The following FHIP2B variants were observed in gnomAD, a reference collection of about 807,000 sequenced individuals.
FHIP2B encodes the protein FHF complex subunit HOOK interacting protein 2B.
In FHIP2B, 72 loss-of-function variants were observed where a neutral mutation model predicts 84.0. The ratio of observed to expected loss-of-function variants is 0.86; its 90% CI spans 0.71 to 1.04. The LOEUF (loss-of-function observed/expected upper bound fraction) is 1.04, where lower values mean the gene tolerates loss of function less well. FHIP2B is among the 50% of genes least tolerant of loss of function. The probability of loss-of-function intolerance (pLI) is 0.00; values close to 1 mark genes in which losing one functional copy is unlikely to be tolerated. For missense variants in FHIP2B, 972 were observed against 968.9 expected (o/e 1.00, Z -0.04); for synonymous variants, 497 against 418.7 (o/e 1.19, Z -2.28).
At position 22,097,484 on chromosome 8, in the gene FHIP2B, G is replaced by A. The variant is rs545265223; in HGVS notation, c.298-32G>A. ...CAGGCATGCGGCAGGCAGGGGACAC[G>A]GCTCTGACAGGCGCTCTGTCCCTGG... On this transcript the variant is annotated intron_variant, in intron 3 of 16. Coordinates refer to ENST00000289921, the MANE Select transcript of FHIP2B (RefSeq NM_022749.7). 95 of 1,540,822 alleles carry A rather than the reference G, an allele frequency of 6.2e-5. 2 individuals carry two copies. The South Asian group carries it at 9.6e-4, about 16-fold the overall frequency.
rs768323988 is a variant in FHIP2B, at chr8:22,102,637, C to A, written c.2093+9C>A. 3 of 1,563,068 alleles carry A rather than the reference C, an allele frequency of 1.9e-6. No homozygotes were observed. Among genetic ancestry groups the A allele is most frequent in the African/African-American group, 2.7e-5 (2 of 73,636 alleles). On this transcript the variant is annotated intron_variant, in intron 16 of 16. Transcript: ENST00000289921. ...CAGGCTCCTGGGGAGCAGTGAGTAC[C>A]AAGGGTGCCAGGTGAAGCCTTGGGG... is the stretch of plus-strand genomic sequence containing the variant.
At chr8:22,093,253 G>T (rs1291599232) in intron 1 of FHIP2B, among the ~76,000 whole-genome samples, 1 of 152,238 alleles carries the variant, frequency 6.6e-6, no homozygotes, top group African/African-American at 2.4e-5. Context: ...CAGCTGTGGG[G>T]AGGGATGATT....
intron 1 of FHIP2B, among the ~76,000 whole-genome samples, chr8:22,093,651 G>A (rs992927942): frequency 4.1e-5 from 6 of 146,800 alleles, no homozygotes; most frequent in African/African-American, 1.0e-4. Context: ...AGAGCCTGTG[G>A]TGGTCTTGAA....
At position 22,098,954 on chromosome 8, in the gene FHIP2B, C is replaced by T. The variant is rs1247800803; in HGVS notation, c.972C>T (p.Pro324=). The T allele has an allele frequency of 1.1e-5, 17 of 1,603,284 alleles. No individual in the cohort carries two copies. Among genetic ancestry groups the T allele is most frequent in the Non-Finnish European group, 1.4e-5 (16 of 1,174,356 alleles). The change falls in exon 8 of 17, where the codon CCC becomes CCT. Residue 324 remains proline (P), a synonymous_variant. Coordinates refer to ENST00000289921, the MANE Select transcript of FHIP2B (RefSeq NM_022749.7). ...CACTCCCCTCTTCCTTCAGGTTACC[C>T]AGTGCCCCGTCTGATGAGGCTTCCT... ...ATLEGISWRL[P]SAPSDEASFP...
chr8:22,090,480 C>T (rs1825431862), intron 1 of FHIP2B, among the ~76,000 whole-genome samples: 1 of 152,128 alleles, frequency 6.6e-6, no homozygotes, highest in Non-Finnish European at 1.5e-5. Context: ...AATGATTTTT[C>T]TTCCCCTTCC....
At chr8:22,102,411 G>GGGGGGGGGGGC in intron 15 of FHIP2B, 96 bp downstream of exon 15, 46 of 586,740 alleles carry the variant, frequency 7.8e-5, no homozygotes, top group Non-Finnish European at 1.4e-4. Flanking sequence ...GGAGGGGTGG[G>GGGGGGGGGGGC]CACCCTTGCC....
At chr8:22,090,164 C>T (rs996857405) in intron 1 of FHIP2B, among the ~76,000 whole-genome samples, 7 of 126,796 alleles carry the variant, frequency 5.5e-5, no homozygotes, top group Admixed American at 9.0e-5. Context: ...GGGGGGGGTG[C>T]CCGCTGTTGA....
rs1372023244 is a variant in FHIP2B at position 22,099,830 on chromosome 8, C to G, written c.1278C>G (p.Pro426=). 4.3e-6 allele frequency: 7 copies of G among 1,613,006 alleles called. No individual in the cohort carries two copies. In the African/African-American group the frequency reaches 8.0e-5, roughly 18 times the overall value. Residue 426 remains proline, a synonymous_variant, in exon 10 of 17, where the codon CCC becomes CCG. Transcript: ENST00000289921. Reference sequence around the variant, plus strand: ...GCACAGACCGGCAGCCTGAAGCCCCCGGGGACAACCCCCACACCCTGTATG... The same window carrying G: ...GCACAGACCGGCAGCCTGAAGCCCCGGGGGACAACCCCCACACCCTGTATG... ...LLGTDRQPEA[P]GDNPHTLYAH...
intron 1 of FHIP2B, 141 bp from the exon 2 acceptor site, chr8:22,094,299 C>T (rs1334073228): frequency 2.9e-6 from 2 of 695,750 alleles, no homozygotes; most frequent in Non-Finnish European, 4.5e-6. Flanking sequence ...TGTTATTCCT[C>T]CCTTTGAAAG....
intron 1 of FHIP2B, among the ~76,000 whole-genome samples, chr8:22,090,154 G>C (rs1268411987): frequency 1.3e-4 from 3 of 23,872 alleles, no homozygotes; most frequent in Admixed American, 6.4e-4. Flanking sequence ...CCGGTAGGGT[G>C]GGGGGGGTGC....
chr8:22,098,406 G>C lies in FHIP2B; in HGVS notation c.769-17G>C, dbSNP rs778888631. The C allele has an allele frequency of 1.9e-6, 3 of 1,572,032 alleles. No individual in the cohort carries two copies. Among genetic ancestry groups the C allele is most frequent in the Non-Finnish European group, 2.6e-6 (3 of 1,155,584 alleles). Reference sequence around the variant, plus strand: ...GGCTCACATGCATGTCCCTGAAGTTGTATCCTCATCCCCTAGAAGAGTCGG... The same window carrying C: ...GGCTCACATGCATGTCCCTGAAGTTCTATCCTCATCCCCTAGAAGAGTCGG... On this transcript the variant is annotated splice_polypyrimidine_tract_variant and intron_variant, in intron 6 of 16. Coordinates refer to ENST00000289921, the MANE Select transcript of FHIP2B (RefSeq NM_022749.7).
intron 1 of FHIP2B, among the ~76,000 whole-genome samples, chr8:22,092,907 G>A (rs1052517992): frequency 4.6e-5 from 7 of 152,136 alleles, no homozygotes; most frequent in African/African-American, 1.7e-4. Context: ...TTGTAGCTTC[G>A]TTATTCAATG....
In FHIP2B at chr8:22,096,348, C is replaced by G. The variant is rs765792078; in HGVS notation, c.136C>G (p.Pro46Ala). Reference sequence around the variant, plus strand: ...CCAAACATCATTAGATGAAAGCACCCCCGCCAAGAAGACAGACATTCCCTG... The same window carrying G: ...CCAAACATCATTAGATGAAAGCACCGCCGCCAAGAAGACAGACATTCCCTG... ...YYIESTDEST[P>A]AKKTDIPWRL... The change falls in exon 3 of 17, where the codon CCC (proline) becomes GCC (alanine). Residue 46 changes from proline (P) to alanine (A), a missense_variant. Pro to Ala is a conservative substitution (Grantham distance 27). Coordinates refer to ENST00000289921, the MANE Select transcript of FHIP2B (RefSeq NM_022749.7). 1.3e-6 allele frequency: 2 copies of G among 1,557,052 alleles called. No homozygotes were observed. The highest frequency in any genetic ancestry group is 2.7e-5 in the African/African-American group (2 of 73,398).
Position 22,102,258 on chromosome 8 carries a change from G to C in FHIP2B, c.1935G>C (p.Leu645=). Residue 645 remains leucine (L), a synonymous_variant, in exon 15 of 17, where the codon CTG becomes CTC. Coordinates refer to ENST00000289921, the MANE Select transcript of FHIP2B (RefSeq NM_022749.7). Reference sequence around the variant, plus strand: ...ACCCCCATATTCATGAGTACCTGCTGGATCCGTACATCAGCCTGGCCCCCG... The same window carrying C: ...ACCCCCATATTCATGAGTACCTGCTCGATCCGTACATCAGCCTGGCCCCCG... ...FPHPHIHEYL[L]DPYISLAPGC... is the part of the protein sequence containing the mutation. The C allele has an allele frequency of 6.2e-7, 1 of 1,613,220 alleles. No homozygotes were observed. Among genetic ancestry groups the C allele is most frequent in the Admixed American group, 1.7e-5 (1 of 60,020 alleles).
chr8:22,094,915 G>A, intron 2 of FHIP2B: 1 of 1,073,610 alleles, frequency 9.3e-7, no homozygotes, highest in Non-Finnish European at 1.1e-6. Context: ...CCTTTCCCCT[G>A]AGCCAGCTTA....
chr8:22,094,392 C>T lies in FHIP2B; in HGVS notation c.46-48C>T, dbSNP rs1825652558. On this transcript the variant is annotated intron_variant, in intron 1 of 16. Coordinates refer to ENST00000289921, the MANE Select transcript of FHIP2B (RefSeq NM_022749.7). ...ATCTGTTCCCATGCGGGCAGGGGCT[C>T]CCTGGCCTTTGTGGCCCCCACTGAG... 2.6e-6 allele frequency: 4 copies of T among 1,545,232 alleles called. No homozygotes were observed. The East Asian group carries it at 9.7e-5, about 37-fold the overall frequency.
In FHIP2B at chr8:22,102,282, C is replaced by G; in HGVS notation, c.1959C>G (p.Pro653=). ...TGGATCCGTACATCAGCCTGGCCCC[C>G]GGCTGCAGGAGCCTATTCTCCGTGT... ...YLLDPYISLA[P]GCRSLFSVLV... is the part of the protein sequence containing the mutation. Residue 653 remains proline (P), a synonymous_variant, in exon 15 of 17, where the codon CCC becomes CCG. Transcript: ENST00000289921. 6.2e-7 allele frequency: 1 copy of G among 1,612,946 alleles called. No homozygotes were observed. Among genetic ancestry groups the G allele is most frequent in the East Asian group, 2.2e-5 (1 of 44,866 alleles).
At chr8:22,099,211 G>A (rs764001273) in intron 8 of FHIP2B, 73 bp from the exon 9 acceptor site, 91 of 1,566,626 alleles carry the variant, frequency 5.8e-5, no homozygotes, top group South Asian at 1.0e-4. Flanking sequence ...ATCAGGCGCC[G>A]CGCAAGAACA....
rs200710123 is a variant in FHIP2B, at chr8:22,102,223, C to G, written c.1900C>G (p.Leu634Val). ...GACCTCGGTCCTGTCCCGGCTTGCC[C>G]TCTTCCCCCACCCCCATATTCATGA... ...QVTSVLSRLA[L>V]FPHPHIHEYL... The change falls in exon 15 of 17, where the codon CTC becomes GTC. Residue 634 changes from leucine to valine, a missense_variant. Leu to Val is a conservative substitution (Grantham distance 32). Transcript: ENST00000289921. The G allele has an allele frequency of 1.2e-6, 2 of 1,613,488 alleles. No homozygotes were observed. Among genetic ancestry groups the G allele is most frequent in the Non-Finnish European group, 1.7e-6 (2 of 1,179,864 alleles).
Sources: gnomAD v4.1 joint callset for allele counts (sites outside exome capture counted in the v4.1 genomes callset) on GRCh38, gnomAD v4.1.1 for gene constraint, MANE v1.5 for transcripts, NCBI Gene and HGNC (gene_info 2026-07-23, HGNC 2026-07-21) for gene names.